ID4: variants seen among roughly 807,000 people sequenced by gnomAD.
The protein encoded by ID4 is DNA-binding protein inhibitor ID-4.
In ID4, 9 loss-of-function variants were observed where a neutral mutation model predicts 8.6. That is an observed-to-expected ratio of 1.04 (90% CI 0.63 to 1.82). ID4 has a LOEUF of 1.82. Among genes scored for constraint, ID4 ranks in the 40% most tolerant of loss-of-function variants. The pLI is 0.00. For missense variants in ID4, 270 were observed against 235.1 expected (o/e 1.15, Z -0.97); for synonymous variants, 180 against 118.0 (o/e 1.53, Z -3.41).
Position 19,838,655 on chromosome 6 carries a change from T to C in ID4, c.*14+13T>C. ...CCGCGCTGTCCAGGTGAGCGCGCATTTCCCGTCTCGGGTGGCCGGTCACCA... is the reference window on the plus strand; with the variant it reads ...CCGCGCTGTCCAGGTGAGCGCGCATCTCCCGTCTCGGGTGGCCGGTCACCA... On this transcript the variant is annotated intron_variant, in intron 2 of 2. Coordinates refer to ENST00000378700, the MANE Select transcript of ID4 (RefSeq NM_001546.4). The C allele has an allele frequency of 6.2e-7, 1 of 1,610,796 alleles. No individual in the cohort carries two copies. Among genetic ancestry groups the C allele is most frequent in the Non-Finnish European group, 8.5e-7 (1 of 1,177,948 alleles).
rs971430631 is a variant in ID4, at chr6:19,840,982, T to C, written c.*1787T>C. Among the ~76,000 whole-genome samples, 7 of 152,256 alleles carry C rather than the reference T, an allele frequency of 4.6e-5. No homozygotes were observed. Among genetic ancestry groups the C allele is most frequent in the Admixed American group, 2.6e-4 (4 of 15,298 alleles). ...AGATTATACAAGAATAAAAGTATTA[T>C]AGACCCAAGGGACTTCTTATGAGGT... On this transcript the variant is annotated 3_prime_UTR_variant, in exon 3 of 3. Coordinates refer to ENST00000378700, the MANE Select transcript of ID4 (RefSeq NM_001546.4).
At position 19,838,308 on chromosome 6, in the gene ID4, A is replaced by G. The variant is rs1488081404; in HGVS notation, c.441+113A>G. 3.7e-6 allele frequency: 4 copies of G among 1,074,440 alleles called. No individual in the cohort carries two copies. In the African/African-American group the frequency reaches 5.0e-5, roughly 14 times the overall value. The allele number at this position is 1,074,440 out of a possible 1,614,324, so 66.6% of individuals were successfully genotyped here. ...TCCGGGCAGGGGCGGGCCAGGAATG[A>G]CAGCCCCCTCCCCCTGCTCCTCCGG... On this transcript the variant is annotated intron_variant, in intron 1 of 2. Coordinates refer to ENST00000378700, the MANE Select transcript of ID4 (RefSeq NM_001546.4).
chr6:19,838,245 T>TTGGTGGCG, intron 1 of ID4, 50 bp downstream of exon 1: 1 of 1,308,512 alleles, frequency 7.6e-7, no homozygotes. Flanking sequence ...GGATGGGAGG[T>TTGGTGGCG]TGGTGGCGTG....
At position 19,841,343 on chromosome 6, in the gene ID4, A is replaced by G. The variant is rs1405704542; in HGVS notation, c.*2148A>G. Reference sequence around the variant, plus strand: ...ATTCCAAATCTGAAGAATTCTAACGACTGCATTCTTTGTTATTAAAAAGGG... The same window carrying G: ...ATTCCAAATCTGAAGAATTCTAACGGCTGCATTCTTTGTTATTAAAAAGGG... On this transcript the variant is annotated 3_prime_UTR_variant, in exon 3 of 3. Coordinates refer to ENST00000378700, the MANE Select transcript of ID4 (RefSeq NM_001546.4). Among the ~76,000 whole-genome samples the G allele has an allele frequency of 6.6e-6, 1 of 152,186 alleles. No homozygotes were observed. The highest frequency in any genetic ancestry group is 2.4e-5 in the African/African-American group (1 of 41,454).
In ID4 at chr6:19,840,149, GTAATA is replaced by G. The variant is rs1181108465; in HGVS notation, c.*957_*961del. ...GTTTTTAAGTACAGGGTTTTATAGT[GTAATA>G]TATACAGAGTAAGTGTTTGTTTTTG... On this transcript the variant is annotated 3_prime_UTR_variant, in exon 3 of 3. Coordinates refer to ENST00000378700, the MANE Select transcript of ID4 (RefSeq NM_001546.4). The G allele has an allele frequency of 1.3e-5, 2 of 152,494 alleles. No homozygotes were observed. The highest frequency in any genetic ancestry group is 2.9e-5 in the Non-Finnish European group (2 of 68,008). 9.4% of individuals were successfully genotyped at this position (152,494 alleles called of 1,614,324 possible). A position where few individuals can be genotyped will look rare whatever the true frequency, so the allele number is the denominator to read the frequency against.
In ID4 at chr6:19,840,968, G is replaced by A. The variant is rs1176754003; in HGVS notation, c.*1773G>A. 6.6e-6 allele frequency among the ~76,000 whole-genome samples: 1 copy of A among 152,088 alleles called. No individual in the cohort carries two copies. Among genetic ancestry groups the A allele is most frequent in the Non-Finnish European group, 1.5e-5 (1 of 67,978 alleles). On this transcript the variant is annotated 3_prime_UTR_variant, in exon 3 of 3. Coordinates refer to ENST00000378700, the MANE Select transcript of ID4 (RefSeq NM_001546.4). ...AAAGGATTTGTTTCAGATTATACAA[G>A]AATAAAAGTATTATAGACCCAAGGG...
rs1196449877 is a variant in ID4, at chr6:19,840,366, T to C, written c.*1171T>C. On this transcript the variant is annotated 3_prime_UTR_variant, in exon 3 of 3. Transcript: ENST00000378700. ...ATGTCTGTACAGATTATTTAAATCATGGAAATGAAAAAAATGTTCTCTGCT... is the reference window on the plus strand; with the variant it reads ...ATGTCTGTACAGATTATTTAAATCACGGAAATGAAAAAAATGTTCTCTGCT... 2 of 152,558 alleles carry C rather than the reference T, an allele frequency of 1.3e-5. No individual in the cohort carries two copies. The highest frequency in any genetic ancestry group is 4.8e-5 in the African/African-American group (2 of 41,436). The allele number at this position is 152,558 out of a possible 1,614,324, so 9.5% of individuals were successfully genotyped here.
intron 2 of ID4, 176 bp downstream of exon 2, chr6:19,838,818 C>T (rs1278457590): frequency 3.3e-6 from 2 of 599,014 alleles, no homozygotes; most frequent in Non-Finnish European, 5.9e-6. Context: ...CGTACTTAGC[C>T]TTAGAACTCG....
intron 2 of ID4, 145 bp downstream of exon 2, chr6:19,838,787 C>T (rs909101478): frequency 1.7e-5 from 11 of 657,730 alleles, no homozygotes; most frequent in Admixed American, 1.6e-4. Context: ...CTCTCCCTGC[C>T]ACCTAAGTAG....
At position 19,837,820 on chromosome 6, in the gene ID4, G is replaced by C. The variant is rs919452348; in HGVS notation, c.66G>C (p.Glu22Asp). The C allele has an allele frequency of 1.7e-6, 2 of 1,143,078 alleles. No individual in the cohort carries two copies. The highest frequency in any genetic ancestry group is 2.1e-6 in the Non-Finnish European group (2 of 931,686). 70.8% of individuals were successfully genotyped at this position (1,143,078 alleles called of 1,614,324 possible). A position where few individuals can be genotyped will look rare whatever the true frequency, so the allele number is the denominator to read the frequency against. ...CGCCGTCGGGCTGCGGCGGCGGGGA[G>C]CTGGCGCTGCGCTGCCTGGCCGAGC... The part of the protein sequence containing the change: ...RKAPSGCGGG[E>D]LALRCLAEHG... Residue 22 changes from glutamate to aspartate, a missense_variant, in exon 1 of 3, where the codon GAG (glutamate) becomes GAC (aspartate). Transcript: ENST00000378700.
In ID4 at chr6:19,841,169, T is replaced by C. The variant is rs1459542796; in HGVS notation, c.*1974T>C. On this transcript the variant is annotated 3_prime_UTR_variant, in exon 3 of 3. Transcript: ENST00000378700. ...CCTCAGCATGTTATTTCCTCAGCTC[T>C]GATAATTTACTGGTCTTGAGTATTT... Among the ~76,000 whole-genome samples the C allele has an allele frequency of 6.6e-6, 1 of 152,204 alleles. No homozygotes were observed. The highest frequency in any genetic ancestry group is 1.5e-5 in the Non-Finnish European group (1 of 68,020).
rs1294450737 is a variant in ID4 at position 19,839,563 on chromosome 6, A to G, written c.*368A>G. 1 of 152,596 alleles carries G rather than the reference A, an allele frequency of 6.6e-6. No homozygotes were observed. Among genetic ancestry groups the G allele is most frequent in the Non-Finnish European group, 1.5e-5 (1 of 68,042 alleles). The allele number at this position is 152,596 out of a possible 1,614,324, so 9.5% of individuals were successfully genotyped here. A position where few individuals can be genotyped will look rare whatever the true frequency, so the allele number is the denominator to read the frequency against. ...ACTTTAGAAGCCTACTTTGTGACCA[A>G]GGAGCTCAATTTTTGTTTTGAAGCT... is the stretch of plus-strand genomic sequence containing the variant. On this transcript the variant is annotated 3_prime_UTR_variant, in exon 3 of 3. Transcript: ENST00000378700.
In ID4 at chr6:19,837,720, G is replaced by C; in HGVS notation, c.-35G>C. On this transcript the variant is annotated 5_prime_UTR_variant, in exon 1 of 3. Coordinates refer to ENST00000378700, the MANE Select transcript of ID4 (RefSeq NM_001546.4). Reference sequence around the variant, plus strand: ...TTGCCTGCCTCCCTCGCTCGCCCCAGCGGGTTCGCTCGCGTAGAGCGCAGG... The same window carrying C: ...TTGCCTGCCTCCCTCGCTCGCCCCACCGGGTTCGCTCGCGTAGAGCGCAGG... The C allele has an allele frequency of 9.0e-7, 1 of 1,105,222 alleles. No homozygotes were observed. The highest frequency in any genetic ancestry group is 5.0e-5 in the East Asian group (1 of 20,088). The allele number at this position is 1,105,222 out of a possible 1,614,324, so 68.5% of individuals were successfully genotyped here.
At position 19,837,963 on chromosome 6, in the gene ID4, A is replaced by C. The variant is rs199736950; in HGVS notation, c.209A>C (p.Asp70Ala). The C allele has an allele frequency of 5.1e-6, 8 of 1,566,582 alleles. No individual in the cohort carries two copies. In the Admixed American group the frequency reaches 1.5e-4, roughly 29 times the overall value. ...PALCLQCDMN[D>A]CYSRLRRLVP... ...CTGTGCCTGCAGTGCGATATGAACG[A>C]CTGCTATAGCCGCCTGCGGAGGCTG... The change falls in exon 1 of 3, where the codon GAC becomes GCC. Residue 70 changes from aspartate to alanine, a missense_variant. Physicochemically the swap from Asp to Ala is moderately radical, Grantham distance 126 (BLOSUM62 -2). This residue lies in a region of ID4 where 160 missense variants were observed against 131.5 expected (regional missense o/e 1.22). Coordinates refer to ENST00000378700, the MANE Select transcript of ID4 (RefSeq NM_001546.4).
At position 19,841,423 on chromosome 6, in the gene ID4, G is replaced by GT. The variant is rs1761357694; in HGVS notation, c.*2229dup. The stretch of plus-strand genomic sequence containing the variant: ...AATTTCAGTAGGAAGCATGTCACAT[G>GT]TGCACTGTTGGTTAGAATTATGCAT... On this transcript the variant is annotated 3_prime_UTR_variant, in exon 3 of 3. Transcript: ENST00000378700. Among the ~76,000 whole-genome samples, 1 of 152,158 alleles carries GT rather than the reference G, an allele frequency of 6.6e-6. No individual in the cohort carries two copies.
rs752158087 is a variant in ID4, at chr6:19,838,658, C to G, written c.*14+16C>G. Reference sequence around the variant, plus strand: ...CGCTGTCCAGGTGAGCGCGCATTTCCCGTCTCGGGTGGCCGGTCACCAGAG... The same window carrying G: ...CGCTGTCCAGGTGAGCGCGCATTTCGCGTCTCGGGTGGCCGGTCACCAGAG... On this transcript the variant is annotated intron_variant, in intron 2 of 2. Coordinates refer to ENST00000378700, the MANE Select transcript of ID4 (RefSeq NM_001546.4). 6.2e-7 allele frequency: 1 copy of G among 1,610,798 alleles called. No homozygotes were observed.
In ID4 at chr6:19,839,040, G is replaced by T. The variant is rs559782133; in HGVS notation, c.*15-170G>T. ...AGTGGGTCCCCTCTCCGGGCTTCCC[G>T]AGGGCCGCAGCTGCCTGCTCGGCGC... On this transcript the variant is annotated intron_variant, in intron 2 of 2. Coordinates refer to ENST00000378700, the MANE Select transcript of ID4 (RefSeq NM_001546.4). 610 of 207,798 alleles carry T rather than the reference G, an allele frequency of 2.9e-3. 3 individuals carry two copies. Among genetic ancestry groups the T allele is most frequent in the Non-Finnish European group, 4.2e-3 (437 of 103,532 alleles). The allele number at this position is 207,798 out of a possible 1,614,324, so 12.9% of individuals were successfully genotyped here.
chr6:19,838,214 G>GC lies in ID4; in HGVS notation c.441+21dup. 7.5e-7 allele frequency: 1 copy of GC among 1,337,504 alleles called. No individual in the cohort carries two copies. Among genetic ancestry groups the GC allele is most frequent in the Non-Finnish European group, 9.5e-7 (1 of 1,051,050 alleles). 82.9% of individuals were successfully genotyped at this position (1,337,504 alleles called of 1,614,324 possible). On this transcript the variant is annotated intron_variant, in intron 1 of 2. Coordinates refer to ENST00000378700, the MANE Select transcript of ID4 (RefSeq NM_001546.4). ...CGACCCGGTGAGAGGCCGGGCGCCGGCCGTGGGCGGACGCCGCGGGGGATG... is the reference window on the plus strand; with the variant it reads ...CGACCCGGTGAGAGGCCGGGCGCCGGCCCGTGGGCGGACGCCGCGGGGGATG...
Position 19,839,831 on chromosome 6 carries a change from G to GAA in ID4, c.*636_*637insAA, listed in dbSNP as rs1761321832. On this transcript the variant is annotated 3_prime_UTR_variant, in exon 3 of 3. Coordinates refer to ENST00000378700, the MANE Select transcript of ID4 (RefSeq NM_001546.4). ...TTAAATATTTTTTTGTAAATATTAT[G>GAA]TGTGTGTTTTTTTTTAATCTATGGG... is the stretch of plus-strand genomic sequence containing the variant. 7.1e-6 allele frequency: 1 copy of GAA among 140,300 alleles called. No individual in the cohort carries two copies. Among genetic ancestry groups the GAA allele is most frequent in the African/African-American group, 2.5e-5 (1 of 40,256 alleles). The allele number at this position is 140,300 out of a possible 1,614,324, so 8.7% of individuals were successfully genotyped here.
Sources: allele counts gnomAD v4.1 joint callset (sites outside exome capture counted in the v4.1 genomes callset), GRCh38; gene constraint gnomAD v4.1.1; regional missense constraint gnomAD v4.1.1; transcripts MANE v1.5; gene names NCBI Gene and HGNC (gene_info 2026-07-23, HGNC 2026-07-21).